The following TBXAS1 variants were observed in gnomAD, a reference collection of about 807,000 sequenced individuals.
The protein encoded by TBXAS1 is thromboxane A synthase 1, also known as thromboxane-A synthase.
TBXAS1 carries 48 observed loss-of-function variants against 60.7 expected under a neutral mutation model. The observed-to-expected ratio is 0.79, with a 90% confidence interval of 0.63 to 1.01. The LOEUF is 1.01. TBXAS1 is among the 50% of genes least tolerant of loss of function. The pLI is 0.00. For synonymous variants in TBXAS1, 287 were observed against 269.7 expected (o/e 1.06, Z -0.63); for missense variants, 685 against 686.3 (o/e 1.00, Z 0.02).
intron 9 of TBXAS1, among the ~76,000 whole-genome samples, chr7:139,981,317 T>C (rs1294567382): frequency 6.6e-6 from 1 of 152,062 alleles, no homozygotes; most frequent in Non-Finnish European, 1.5e-5. Context: ...GGTTTCACCA[T>C]GTTGGCCAGG....
chr7:139,979,727 CAATAATAATAATAAT>C (rs58553105), intron 9 of TBXAS1, among the ~76,000 whole-genome samples: 35 of 139,740 alleles, frequency 2.5e-4, no homozygotes, highest in East Asian at 8.2e-4. Flanking sequence ...GATTCCATCT[CAATAATAATAATAAT>C]AATAATAATA....
At chr7:139,806,935 C>T (rs1057047416) in intron 4 of TBXAS1, among the ~76,000 whole-genome samples, 40 of 152,328 alleles carry the variant, frequency 2.6e-4, no homozygotes, top group Non-Finnish European at 4.7e-4. Flanking sequence ...GATTGTCTGC[C>T]GAATGCTTCT....
At chr7:139,784,932 A>G (rs922551252) in intron 3 of TBXAS1, among the ~76,000 whole-genome samples, 1 of 152,140 alleles carries the variant, frequency 6.6e-6, no homozygotes, top group African/African-American at 2.4e-5. Flanking sequence ...GAGAGGTTAC[A>G]TGGCAGCATT....
At chr7:139,794,761 G>A (rs1224363251) in intron 4 of TBXAS1, among the ~76,000 whole-genome samples, 16 of 147,844 alleles carry the variant, frequency 1.1e-4, no homozygotes, top group Admixed American at 7.5e-4. Flanking sequence ...GAGAATATGC[G>A]GTGTTTGGTT....
intron 4 of TBXAS1, among the ~76,000 whole-genome samples, chr7:139,814,783 T>C (rs1051267273): frequency 6.6e-6 from 1 of 152,266 alleles, no homozygotes; most frequent in African/African-American, 2.4e-5. Context: ...AGAGTCTCTG[T>C]GTGGTGATCA....
At chr7:139,949,898 C>T (rs757759) in intron 5 of TBXAS1, among the ~76,000 whole-genome samples, 122,798 of 152,160 alleles carry the variant, frequency 0.81, 50,142 homozygotes, top group African/African-American at 0.94. Context: ...CTACCTAAAC[C>T]AGCTGTCCAG....
At chr7:139,946,400 G>A (rs777134625) in intron 5 of TBXAS1, among the ~76,000 whole-genome samples, 1 of 152,226 alleles carries the variant, frequency 6.6e-6, no homozygotes, top group Admixed American at 6.5e-5. Flanking sequence ...ACACCTGGGT[G>A]TCAGGCACTA....
At chr7:139,863,240 T>C (rs1216873369) in intron 1 of TBXAS1, among the ~76,000 whole-genome samples, 1 of 152,216 alleles carries the variant, frequency 6.6e-6, no homozygotes, top group Non-Finnish European at 1.5e-5. Context: ...TAATATATTT[T>C]TCTTGTGCAG....
intron 3 of TBXAS1, among the ~76,000 whole-genome samples, chr7:139,908,142 A>G (rs1337190744): frequency 6.6e-6 from 1 of 150,802 alleles, no homozygotes; most frequent in Non-Finnish European, 1.5e-5. Flanking sequence ...TTTTGTTTTC[A>G]GGTTCATAGA....
At chr7:140,001,129 G>C (rs1813644578) in intron 9 of TBXAS1, among the ~76,000 whole-genome samples, 1 of 152,190 alleles carries the variant, frequency 6.6e-6, no homozygotes, top group Non-Finnish European at 1.5e-5. Flanking sequence ...TGCAGGGGGG[G>C]CTTCCTCATT....
At chr7:140,016,250 C>G (rs1019593715) in intron 11 of TBXAS1, 5 of 336,846 alleles carry the variant, frequency 1.5e-5, no homozygotes, top group Non-Finnish European at 2.8e-5. Context: ...ATGGCGTGAA[C>G]CCAGGAGGCG....
intron 4 of TBXAS1, among the ~76,000 whole-genome samples, chr7:139,799,093 T>C (rs1186994771): frequency 8.1e-4 from 96 of 119,134 alleles, no homozygotes; most frequent in African/African-American, 2.2e-3. Flanking sequence ...TTTTTTTTTT[T>C]CCGACAGTCT....
intron 4 of TBXAS1, among the ~76,000 whole-genome samples, chr7:139,915,563 C>T (rs887487111): frequency 6.6e-6 from 1 of 152,144 alleles, no homozygotes; most frequent in Non-Finnish European, 1.5e-5. Context: ...CAAATTCAGG[C>T]TTGAGTTACG....
chr7:139,835,912 TA>T (rs1350355180), intron 1 of TBXAS1, among the ~76,000 whole-genome samples: 2 of 152,080 alleles, frequency 1.3e-5, no homozygotes, highest in African/African-American at 4.8e-5. Context: ...CTAGAACTGA[TA>T]AAAGAATTCA....
chr7:139,838,070 C>G (rs370491973), intron 1 of TBXAS1, among the ~76,000 whole-genome samples: 1 of 152,154 alleles, frequency 6.6e-6, no homozygotes, highest in Admixed American at 6.5e-5. Flanking sequence ...GGCCCCCTGT[C>G]GCTCTCTCCC....
At position 139,924,820 on chromosome 7, in the gene TBXAS1, A is replaced by T. The variant is rs1806762604; in HGVS notation, c.334-11371A>T. On this transcript the variant is annotated intron_variant, in intron 4 of 12. Coordinates refer to ENST00000448866, the MANE Select transcript of TBXAS1 (RefSeq NM_001061.7). ...AGATTTAAGTCTTTAATCCATTTTGATTCAATTTTTGTATATGGTGAGAGA... is the reference window on the plus strand; with the variant it reads ...AGATTTAAGTCTTTAATCCATTTTGTTTCAATTTTTGTATATGGTGAGAGA... Among the ~76,000 whole-genome samples the T allele has an allele frequency of 2.0e-5, 3 of 152,208 alleles. No individual in the cohort carries two copies. The South Asian group carries it at 6.2e-4, about 32-fold the overall frequency.
At chr7:139,894,107 G>C (rs1803885569) in intron 3 of TBXAS1, among the ~76,000 whole-genome samples, 1 of 152,212 alleles carries the variant, frequency 6.6e-6, no homozygotes, top group Non-Finnish European at 1.5e-5. Context: ...CCATTCTTGA[G>C]AGGTAGAGCA....
chr7:139,819,462 C>T (rs963837286), intron 4 of TBXAS1, among the ~76,000 whole-genome samples: 5 of 152,158 alleles, frequency 3.3e-5, no homozygotes, highest in African/African-American at 1.2e-4. Flanking sequence ...CTCATTACAA[C>T]ACTTATGCTA....
At chr7:139,950,664 A>T (rs1974532) in intron 5 of TBXAS1, among the ~76,000 whole-genome samples, 9 of 132,922 alleles carry the variant, frequency 6.8e-5, no homozygotes, top group Non-Finnish European at 1.3e-4. Flanking sequence ...GGACTCCCTC[A>T]CCCTCCATCT....
Sources: allele counts gnomAD v4.1 joint callset (sites outside exome capture counted in the v4.1 genomes callset), GRCh38; gene constraint gnomAD v4.1.1; transcripts MANE v1.5; gene names NCBI Gene and HGNC (gene_info 2026-07-23, HGNC 2026-07-21).